Variants in GGA3 observed in about 807,000 individuals in gnomAD.
The protein encoded by GGA3 is golgi associated, gamma adaptin ear containing, ARF binding protein 3.
In GGA3, 57 loss-of-function variants were observed where a neutral mutation model predicts 77.5. That is an observed-to-expected ratio of 0.74 (90% confidence interval 0.59 to 0.92). GGA3 has a LOEUF of 0.92. GGA3 is among the 40% of genes least tolerant of loss of function. The pLI, the probability that GGA3 is intolerant of heterozygous loss-of-function variation, is 0.00. For synonymous variants in GGA3, 416 were observed against 383.7 expected (o/e 1.08, Z -0.98); for missense variants, 970 against 914.9 (o/e 1.06, Z -0.78).
chr17:75,248,777 C>T (rs2076848809), intron 1 of GGA3: 1 of 869,386 alleles, frequency 1.2e-6, no homozygotes. Context: ...CAAGTGAAAA[C>T]TCTGTCTAAA....
chr17:75,249,796 C>T (rs1016069444), intron 1 of GGA3, among the ~76,000 whole-genome samples: 1 of 152,142 alleles, frequency 6.6e-6, no homozygotes, highest in African/African-American at 2.4e-5. Context: ...ATGTGGATCC[C>T]CCCAACCCCC....
chr17:75,253,079 G>A (rs2077026586), intron 1 of GGA3, among the ~76,000 whole-genome samples: 1 of 152,156 alleles, frequency 6.6e-6, no homozygotes, highest in Non-Finnish European at 1.5e-5. Context: ...CGGATCGCGG[G>A]ACCTCCCTTG....
In GGA3 at chr17:75,237,324, A is replaced by G. The variant is rs2076352621; in HGVS notation, c.*955T>C. The G allele has an allele frequency of 1.5e-6, 1 of 684,688 alleles. No homozygotes were observed. The highest frequency in any genetic ancestry group is 1.7e-5 in the South Asian group (1 of 59,858). The allele number at this position is 684,688 out of a possible 1,614,324, so 42.4% of individuals were successfully genotyped here. On this transcript the variant is annotated 3_prime_UTR_variant, in exon 17 of 17. Transcript: ENST00000537686. The stretch of plus-strand genomic sequence containing the variant: ...ACATATGTCTAGTGTAACATTTGTG[A>G]TCCTGAGGCCTCCTGTGTCCAGCCA...
chr17:75,241,836 A>C (rs2076570708), intron 8 of GGA3, 140 bp from the exon 9 acceptor site: 1 of 741,054 alleles, frequency 1.3e-6, no homozygotes, highest in Non-Finnish European at 2.4e-6. Context: ...ATCACAGCGC[A>C]CGTCTTCTTG....
upstream of GGA3, chr17:75,261,854 C>T (rs2077396235): frequency 2.5e-6 from 4 of 1,582,164 alleles, no homozygotes. Context: ...GTCACTCGCT[C>T]AGGCGCGCCG....
chr17:75,244,244 G>A (rs1381005193), intron 4 of GGA3, among the ~76,000 whole-genome samples: 1 of 152,162 alleles, frequency 6.6e-6, no homozygotes, highest in Non-Finnish European at 1.5e-5. Context: ...AACACGGCCA[G>A]CTGAGCATCG....
rs751994794 is a variant in GGA3, at chr17:75,241,019, G to C, written c.985C>G (p.Leu329Val). 1 of 1,614,022 alleles carries C rather than the reference G, an allele frequency of 6.2e-7. No homozygotes were observed. Among genetic ancestry groups the C allele is most frequent in the Non-Finnish European group, 8.5e-7 (1 of 1,180,018 alleles). The change falls in exon 11 of 17, where the codon CTT becomes GTT. Residue 329 changes from leucine to valine, a missense_variant. By Grantham distance (32) the Leu-to-Val change is conservative. Coordinates refer to ENST00000537686, the MANE Select transcript of GGA3 (RefSeq NM_138619.4). Reference sequence around the variant, plus strand: ...CTGTTGGTCGTGTCCAGCTCCGCAAGGTCGATGAGCGTGCCTTGGTTACTG... The same window carrying C: ...CTGTTGGTCGTGTCCAGCTCCGCAACGTCGATGAGCGTGCCTTGGTTACTG... ...QCSNQGTLIDLAELDTTNSLS... is the reference protein window; with the variant it reads ...QCSNQGTLIDVAELDTTNSLS...
chr17:75,241,162 C>A, intron 10 of GGA3, 105 bp from the exon 11 acceptor site: 1 of 1,321,856 alleles, frequency 7.6e-7, no homozygotes, highest in African/African-American at 1.4e-5. Flanking sequence ...CAGCCTCTGG[C>A]CTAATCCAAC....
intron 1 of GGA3, among the ~76,000 whole-genome samples, chr17:75,254,173 T>C (rs2077064451): frequency 6.6e-6 from 1 of 152,112 alleles, no homozygotes; most frequent in African/African-American, 2.4e-5. Flanking sequence ...CAAGTGTCGC[T>C]GGGTCTTTCC....
At chr17:75,251,331 C>G (rs1343555669) in intron 1 of GGA3, among the ~76,000 whole-genome samples, 1 of 101,418 alleles carries the variant, frequency 9.9e-6, no homozygotes, top group South Asian at 3.5e-4. Flanking sequence ...TCTCCTGGTT[C>G]AATACATGAA....
intron 3 of GGA3, among the ~76,000 whole-genome samples, chr17:75,245,516 T>G (rs2076723574): frequency 6.6e-6 from 1 of 151,800 alleles, no homozygotes; most frequent in Non-Finnish European, 1.5e-5. Context: ...AATCACTGGG[T>G]TTTGTTACGT....
rs573275984 is a variant in GGA3 at position 75,239,232 on chromosome 17, A to G, written c.1780+143T>C. The stretch of plus-strand genomic sequence containing the variant: ...GGAGAGGCGCTCAGTGAGGAGCTTA[A>G]GACTGAGAATGCAGGCAGGGAGGCC... On this transcript the variant is annotated intron_variant, in intron 14 of 16. Coordinates refer to ENST00000537686, the MANE Select transcript of GGA3 (RefSeq NM_138619.4). 3.4e-5 allele frequency: 33 copies of G among 963,952 alleles called. No individual in the cohort carries two copies. In the Admixed American group the frequency reaches 7.6e-4, roughly 22 times the overall value. The allele number at this position is 963,952 out of a possible 1,614,324, so 59.7% of individuals were successfully genotyped here. A position where few individuals can be genotyped will look rare whatever the true frequency, so the allele number is the denominator to read the frequency against.
At chr17:75,251,336 C>T (rs1290122292) in intron 1 of GGA3, among the ~76,000 whole-genome samples, 3 of 74,294 alleles carry the variant, frequency 4.0e-5, no homozygotes, top group East Asian at 2.4e-3. Flanking sequence ...TGGTTCAATA[C>T]ATGAAAAAAA....
intron 1 of GGA3, 96 bp downstream of exon 1, chr17:75,261,452 G>A (rs1598470809): frequency 9.8e-7 from 1 of 1,019,788 alleles, no homozygotes; most frequent in South Asian, 2.3e-5. Context: ...GGGCTGCCAA[G>A]AGGCGACGCC....
rs183272376 is a variant in GGA3 at position 75,237,500 on chromosome 17, G to C, written c.*779C>G. Reference sequence around the variant, plus strand: ...GGATGGCCTGTCCCCACGGCTGGAGGCACGCTTTTCCCAGAAAGCTGAGTA... The same window carrying C: ...GGATGGCCTGTCCCCACGGCTGGAGCCACGCTTTTCCCAGAAAGCTGAGTA... On this transcript the variant is annotated 3_prime_UTR_variant, in exon 17 of 17. Coordinates refer to ENST00000537686, the MANE Select transcript of GGA3 (RefSeq NM_138619.4). The C allele has an allele frequency of 1.9e-4, 288 of 1,535,770 alleles. No individual in the cohort carries two copies. The highest frequency in any genetic ancestry group is 2.4e-4 in the Non-Finnish European group (277 of 1,146,594).
chr17:75,242,859 T>C lies in GGA3; in HGVS notation c.581A>G (p.Asn194Ser). The change falls in exon 7 of 17, where the codon AAC becomes AGC. Residue 194 changes from asparagine (N) to serine (S), a missense_variant. Transcript: ENST00000537686. ...CTTCACCATGGACTTGATGAGCTTG[T>C]TGGCCTCCTGCAGGTCATCTGGGTT... ...SKNPDDLQEANKLIKSMVKED... is the reference protein window; with the variant it reads ...SKNPDDLQEASKLIKSMVKED... 1.2e-6 allele frequency: 2 copies of C among 1,614,094 alleles called. No individual in the cohort carries two copies. The highest frequency in any genetic ancestry group is 1.7e-6 in the Non-Finnish European group (2 of 1,179,906).
In GGA3 at chr17:75,239,985, G is replaced by A; in HGVS notation, c.1387C>T (p.Pro463Ser). 1 of 1,558,100 alleles carries A rather than the reference G, an allele frequency of 6.4e-7. No individual in the cohort carries two copies. Among genetic ancestry groups the A allele is most frequent in the South Asian group, 1.2e-5 (1 of 85,234 alleles). The change falls in exon 13 of 17, where the codon CCT (proline) becomes TCT (serine). Residue 463 changes from proline (P) to serine (S), a missense_variant. Physicochemically the swap from Pro to Ser is moderately conservative, Grantham distance 74. Coordinates refer to ENST00000537686, the MANE Select transcript of GGA3 (RefSeq NM_138619.4). Reference sequence around the variant, plus strand: ...GGGACCACAGGAGCTGGGAAGGGAGGCGGCAGTGGAGCTTGGGAGCTGCTT... The same window carrying A: ...GGGACCACAGGAGCTGGGAAGGGAGACGGCAGTGGAGCTTGGGAGCTGCTT... ...SSSSSQAPLP[P>S]PFPAPVVPAS...
At chr17:75,261,827 T>C, upstream of GGA3, 1 of 1,493,748 alleles carries the variant, frequency 6.7e-7, no homozygotes, top group African/African-American at 1.4e-5. Context: ...CTGAGGAGTC[T>C]TTTTCACCCG....
At chr17:75,250,514 G>A (rs1286594501) in intron 1 of GGA3, among the ~76,000 whole-genome samples, 2 of 152,208 alleles carry the variant, frequency 1.3e-5, no homozygotes, top group East Asian at 1.9e-4. Flanking sequence ...CGTAATCTCA[G>A]CACTTTGGGA....
Sources: gnomAD v4.1 joint callset for allele counts (sites outside exome capture counted in the v4.1 genomes callset) on GRCh38, gnomAD v4.1.1 for gene constraint, MANE v1.5 for transcripts, NCBI Gene and HGNC (gene_info 2026-07-23, HGNC 2026-07-21) for gene names.